The following SYNE1 variants were observed in gnomAD, a reference collection of about 807,000 sequenced individuals.
The protein encoded by SYNE1 is nesprin-1.
In SYNE1, 616 loss-of-function variants were observed where a neutral mutation model predicts 1,111.0. The ratio of observed to expected loss-of-function variants is 0.55; its 90% CI spans 0.52 to 0.59. The LOEUF (loss-of-function observed/expected upper bound fraction) is 0.59. Ranked by LOEUF, SYNE1 falls within the 20% of genes least tolerant of loss-of-function variation. The pLI is 0.00. For missense variants in SYNE1, 10,006 were observed against 10,417.0 expected (o/e 0.96, Z 1.72); for synonymous variants, 3,855 against 3,825.8 (o/e 1.01, Z -0.28).
intron 130 of SYNE1, among the ~76,000 whole-genome samples, chr6:152,169,627 C>CA (rs58087660): frequency 0.11 from 7,889 of 71,418 alleles, 467 homozygotes; most frequent in Admixed American, 0.15. Context: ...CACCTCATCT[C>CA]AAAAAAAAAA....
chr6:152,328,272 T>G (rs529373509), intron 78 of SYNE1, among the ~76,000 whole-genome samples: 49 of 152,274 alleles, frequency 3.2e-4, no homozygotes, highest in African/African-American at 1.1e-3. Flanking sequence ...CCTAAAGGGT[T>G]GGTTGACATC....
intron 98 of SYNE1, among the ~76,000 whole-genome samples, chr6:152,273,074 A>G (rs1004711818): frequency 6.6e-6 from 1 of 152,220 alleles, no homozygotes; most frequent in Non-Finnish European, 1.5e-5. Context: ...TGGAATTTAT[A>G]GATAGTTTAA....
chr6:152,407,095 G>A lies in SYNE1; in HGVS notation c.6642C>T (p.Asn2214=), dbSNP rs1264763113. 3.1e-6 allele frequency: 5 copies of A among 1,613,896 alleles called. No homozygotes were observed. The highest frequency in any genetic ancestry group is 4.2e-6 in the Non-Finnish European group (5 of 1,180,010). ...STRDEIEGWS[N]NCVPQMAENI... is the part of the protein sequence containing the mutation. ...TTTCTGCCATCTGTGGAACGCAGTT[G>A]TTTGACCATCCCTCAATCTCATCTC... is the stretch of plus-strand genomic sequence containing the variant. Residue 2214 remains asparagine (N), a synonymous_variant, in exon 45 of 146, where the codon AAC becomes AAT. Coordinates refer to ENST00000367255, the MANE Select transcript of SYNE1 (RefSeq NM_182961.4).
chr6:152,278,425 C>T lies in SYNE1; in HGVS notation c.18382-145G>A, dbSNP rs931514196. The T allele has an allele frequency of 1.6e-5, 13 of 837,972 alleles. 1 individual carries two copies. The highest frequency in any genetic ancestry group is 1.1e-4 in the South Asian group (8 of 71,906). 51.9% of individuals were successfully genotyped at this position (837,972 alleles called of 1,614,324 possible). A position where few individuals can be genotyped will look rare whatever the true frequency, so the allele number is the denominator to read the frequency against. On this transcript the variant is annotated intron_variant, in intron 97 of 145. Transcript: ENST00000367255. ...TTTTGTAGTTTTCCCACGGCCTTGA[C>T]GAGTAAGTAGTCTGTAGGCTTTTTT...
intron 90 of SYNE1, 59 bp from the exon 91 acceptor site, chr6:152,308,691 G>C: frequency 1.3e-6 from 2 of 1,554,756 alleles, no homozygotes; most frequent in Non-Finnish European, 1.7e-6. Context: ...CAATAACTAG[G>C]TAAGTGATTC....
At chr6:152,381,484 AC>A in intron 55 of SYNE1, 122 bp from the exon 56 acceptor site, 1 of 944,714 alleles carries the variant, frequency 1.1e-6, no homozygotes, top group Non-Finnish European at 1.7e-6. Context: ...TGCCACAAGG[AC>A]CCAGAATCAA....
chr6:152,488,782 A>T (rs2098955080), intron 11 of SYNE1, among the ~76,000 whole-genome samples: 1 of 151,920 alleles, frequency 6.6e-6, no homozygotes, highest in African/African-American at 2.4e-5. Context: ...CCAGGAGGGA[A>T]TTTCCTAAGT....
chr6:152,189,000 T>TATATATATATATATATATATATATA (rs1563336394), intron 128 of SYNE1, among the ~76,000 whole-genome samples: 6 of 117,324 alleles, frequency 5.1e-5, no homozygotes, highest in Non-Finnish European at 1.0e-4. Flanking sequence ...TATATATATA[T>TATATATATATATATATATATATATA]ATATATATAT....
intron 16 of SYNE1, among the ~76,000 whole-genome samples, chr6:152,471,148 A>C (rs902104076): frequency 1.6e-4 from 24 of 152,318 alleles, no homozygotes; most frequent in African/African-American, 5.1e-4. Flanking sequence ...AAAAAGACAC[A>C]GTGGACACAA....
intron 3 of SYNE1, among the ~76,000 whole-genome samples, chr6:152,547,627 T>C (rs1328997764): frequency 6.6e-6 from 1 of 152,220 alleles, no homozygotes; most frequent in Non-Finnish European, 1.5e-5. Context: ...TATTTTCTTA[T>C]TCCTAGTCTT....
rs750714394 is a variant in SYNE1 at position 152,427,717 on chromosome 6, C to T, written c.5076G>A (p.Val1692=). ...EMDISADRVK[V]EGELQLIQAL... ...CCTGTATTAACTGAAGTTCACCTTC[C>T]ACTTTGACTCTGTCTGCAGAAATGT... Residue 1692 remains valine (V), a synonymous_variant, in exon 38 of 146, where the codon GTG becomes GTA. Coordinates refer to ENST00000367255, the MANE Select transcript of SYNE1 (RefSeq NM_182961.4). 6.2e-7 allele frequency: 1 copy of T among 1,614,148 alleles called. No individual in the cohort carries two copies. The highest frequency in any genetic ancestry group is 1.1e-5 in the South Asian group (1 of 91,080).
Position 152,133,355 on chromosome 6 carries a change from C to T in SYNE1, c.25922G>A (p.Arg8641Gln), listed in dbSNP as rs774776856. ...GACCTCCTTCAAGAGAAGTTTGAGC[C>T]GATTTCCAATAACATGGACTTTTTC... The part of the protein sequence containing the change: ...AKEKVHVIGN[R>Q]LKLLLKEVSR... Residue 8641 changes from arginine to glutamine, a missense_variant, in exon 143 of 146, where the codon CGG (arginine) becomes CAG (glutamine). This residue lies in a region of SYNE1 where 761 missense variants were observed against 795.5 expected (regional missense o/e 0.96). Coordinates refer to ENST00000367255, the MANE Select transcript of SYNE1 (RefSeq NM_182961.4). The T allele has an allele frequency of 5.2e-5, 84 of 1,614,006 alleles. No homozygotes were observed. In the Admixed American group the frequency reaches 5.5e-4, roughly 11 times the overall value.
At chr6:152,158,395 T>C (rs1229505764) in intron 131 of SYNE1, among the ~76,000 whole-genome samples, 1 of 152,226 alleles carries the variant, frequency 6.6e-6, no homozygotes, top group Non-Finnish European at 1.5e-5. Context: ...GGGATTTATA[T>C]TCTTGTGTTG....
intron 95 of SYNE1, among the ~76,000 whole-genome samples, chr6:152,290,707 T>A (rs1168018535): frequency 6.6e-6 from 1 of 152,168 alleles, no homozygotes. Flanking sequence ...AAGAGAGTGT[T>A]GGGAAAGAAA....
intron 87 of SYNE1, chr6:152,316,366 G>A (rs1328826109): frequency 5.5e-6 from 1 of 183,308 alleles, no homozygotes; most frequent in Non-Finnish European, 1.2e-5. Context: ...TCTGAAATAC[G>A]AATATTATTT....
At chr6:152,145,448 G>C in intron 137 of SYNE1, 2 of 1,585,834 alleles carry the variant, frequency 1.3e-6, no homozygotes, top group Non-Finnish European at 8.7e-7. Flanking sequence ...TTGCTATACA[G>C]GGGAGGGAGG....
intron 3 of SYNE1, among the ~76,000 whole-genome samples, chr6:152,555,391 C>T (rs572260905): frequency 6.6e-6 from 1 of 152,172 alleles, no homozygotes; most frequent in African/African-American, 2.4e-5. Flanking sequence ...CATTGTAGTA[C>T]AATTGCCTAC....
At chr6:152,567,056 C>G (rs1343965042) in intron 3 of SYNE1, among the ~76,000 whole-genome samples, 18 of 151,126 alleles carry the variant, frequency 1.2e-4, no homozygotes, top group Admixed American at 1.2e-3. Flanking sequence ...ACCCTTTGTC[C>G]CCCATCTCCC....
intron 3 of SYNE1, among the ~76,000 whole-genome samples, chr6:152,558,928 T>C (rs893131004): frequency 6.6e-6 from 1 of 152,038 alleles, no homozygotes; most frequent in Non-Finnish European, 1.5e-5. Flanking sequence ...CCAGGATAGA[T>C]AATATATTAA....
Sources: allele counts gnomAD v4.1 joint callset (sites outside exome capture counted in the v4.1 genomes callset), GRCh38; gene constraint gnomAD v4.1.1; regional missense constraint gnomAD v4.1.1; transcripts MANE v1.5; gene names NCBI Gene and HGNC (gene_info 2026-07-23, HGNC 2026-07-21).